Variants in CDKN2A observed in about 807,000 individuals in gnomAD.
The protein encoded by CDKN2A is cyclin dependent kinase inhibitor 2A.
CDKN2A carries 3 observed loss-of-function variants against 11.1 expected under a neutral mutation model. The observed-to-expected ratio is 0.27, with a 90% CI of 0.12 to 0.70. CDKN2A has a LOEUF of 0.70. CDKN2A is among the 30% of genes least tolerant of loss of function. The probability of loss-of-function intolerance (pLI) is 0.77; values close to 1 mark genes in which losing one functional copy is unlikely to be tolerated. For missense variants in CDKN2A, 265 were observed against 233.6 expected (o/e 1.13, Z -0.88); for synonymous variants, 122 against 108.1 (o/e 1.13, Z -0.80).
Position 21,974,300 on chromosome 9 carries a change from A to G in CDKN2A, c.150+378T>C, listed in dbSNP as rs575325071. ...TAAGAAAGATAAGCTCCATCCAGGT[A>G]TCTGTGAATTGGAGGCTAAGTAGTC... On this transcript the variant is annotated intron_variant, in intron 1 of 2. Transcript: ENST00000304494. The surrounding 1 kb of genome is among the most constrained non-coding windows in gnomAD (Gnocchi z 5.2). 7.3e-6 allele frequency: 6 copies of G among 816,968 alleles called. No homozygotes were observed. The highest frequency in any genetic ancestry group is 3.5e-5 in the South Asian group (2 of 57,464). The allele number at this position is 816,968 out of a possible 1,614,324, so 50.6% of individuals were successfully genotyped here. A position where few individuals can be genotyped will look rare whatever the true frequency, so the allele number is the denominator to read the frequency against.
At chr9:21,992,135 C>G (rs1820443419) in intron 2 of CDKN2A, 1 of 834,366 alleles carries the variant, frequency 1.2e-6, no homozygotes, top group South Asian at 5.5e-5. Context: ...TTTGCAGAAA[C>G]TTAAAAAAAG....
At chr9:21,969,196 C>G (rs1427040976) in intron 2 of CDKN2A, among the ~76,000 whole-genome samples, 1 of 152,080 alleles carries the variant, frequency 6.6e-6, no homozygotes, top group Non-Finnish European at 1.5e-5. Context: ...CGCTTGAGCC[C>G]AGATAACATG....
upstream of CDKN2A, among the ~76,000 whole-genome samples, chr9:21,978,148 A>C (rs895265673): frequency 4.0e-5 from 6 of 151,534 alleles, no homozygotes; most frequent in Non-Finnish European, 4.4e-5. Flanking sequence ...GGATAGCATT[A>C]GGAGATATAC....
chr9:21,978,209 T>G (rs1342091888), upstream of CDKN2A, among the ~76,000 whole-genome samples: 2 of 151,990 alleles, frequency 1.3e-5, no homozygotes, highest in Admixed American at 1.3e-4. Context: ...ATGGCACATG[T>G]ATACATATGT....
chr9:21,978,492 G>T (rs1292887265), upstream of CDKN2A, among the ~76,000 whole-genome samples: 3 of 151,960 alleles, frequency 2.0e-5, no homozygotes, highest in Non-Finnish European at 1.5e-5. Flanking sequence ...ATTTCATGTG[G>T]CCATAAAATA....
chr9:21,986,047 T>C (rs1330802063), intron 2 of CDKN2A, among the ~76,000 whole-genome samples: 1 of 152,004 alleles, frequency 6.6e-6, no homozygotes, highest in African/African-American at 2.4e-5. Context: ...CATACTATTT[T>C]ATCTACCTCT....
chr9:21,992,455 C>T, intron 2 of CDKN2A: 2 of 974,516 alleles, frequency 2.1e-6, no homozygotes, highest in South Asian at 9.5e-5. Flanking sequence ...GCGCTTTTCA[C>T]ATACGTCCTG....
Position 21,994,498 on chromosome 9 carries a change from C to A in CDKN2A, c.-176+323G>T, listed in dbSNP as rs1466650074. ...CACCCGCCTTCCCTGAGCGCGCCCG[C>A]CCCCCACCTTCACCCCCACCCCCAC... On this transcript the variant is annotated intron_variant, in intron 1 of 3. Coordinates refer to the CDKN2A transcript ENST00000494262. 7 of 1,420,916 alleles carry A rather than the reference C, an allele frequency of 4.9e-6. No individual in the cohort carries two copies. In the African/African-American group the frequency reaches 9.0e-5, roughly 18 times the overall value. 88.0% of individuals were successfully genotyped at this position (1,420,916 alleles called of 1,614,324 possible). A position where few individuals can be genotyped will look rare whatever the true frequency, so the allele number is the denominator to read the frequency against.
At position 21,971,087 on chromosome 9, in the gene CDKN2A, A is replaced by C; in HGVS notation, c.272T>G (p.Leu91Arg). 6.2e-7 allele frequency: 1 copy of C among 1,605,340 alleles called. No individual in the cohort carries two copies. Among genetic ancestry groups the C allele is most frequent in the Non-Finnish European group, 8.5e-7 (1 of 1,179,564 alleles). The change falls in exon 2 of 3, where the codon CTG becomes CGG. Residue 91 changes from leucine to arginine, a missense_variant. By Grantham distance (102) the Leu-to-Arg change is moderately radical. Transcript: ENST00000304494. ...CCGGTGCAGCACCACCAGCGTGTCC[A>C]GGAAGCCCTCCCGGGCAGCGTCGTG... ...PVHDAAREGF[L>R]DTLVVLHRAG...
Position 21,968,644 on chromosome 9 carries a change from G to T in CDKN2A, c.458-402C>A. ...CATCCCCAGGCATCTTTTGCACCTG[G>T]TGCGGAGTGAGCCAGCCAGCTTGCG... On this transcript the variant is annotated intron_variant, in intron 2 of 2. Transcript: ENST00000304494. The surrounding 1 kb of genome is among the most constrained non-coding windows in gnomAD (Gnocchi z 4.7). The T allele has an allele frequency of 6.5e-7, 1 of 1,531,344 alleles. No individual in the cohort carries two copies. The highest frequency in any genetic ancestry group is 8.7e-7 in the Non-Finnish European group (1 of 1,144,084). 94.9% of individuals were successfully genotyped at this position (1,531,344 alleles called of 1,614,324 possible).
Position 21,994,038 on chromosome 9 carries a change from C to T in CDKN2A, c.-160G>A. 1.2e-5 allele frequency: 16 copies of T among 1,359,444 alleles called. No individual in the cohort carries two copies. In the South Asian group the frequency reaches 1.6e-4, roughly 14 times the overall value. The allele number at this position is 1,359,444 out of a possible 1,614,324, so 84.2% of individuals were successfully genotyped here. A position where few individuals can be genotyped will look rare whatever the true frequency, so the allele number is the denominator to read the frequency against. On this transcript the variant is annotated 5_prime_UTR_variant, in exon 2 of 4. Coordinates refer to the CDKN2A transcript ENST00000494262. Reference sequence around the variant, plus strand: ...AGCCTCCACCGGCGGTTATCTCCTCCTCCTCCTAGCCTGGGCTAGAGACGA... The same window carrying T: ...AGCCTCCACCGGCGGTTATCTCCTCTTCCTCCTAGCCTGGGCTAGAGACGA...
chr9:21,970,955 C>A lies in CDKN2A; in HGVS notation c.404G>T (p.Gly135Val), dbSNP rs1182554152. 6.2e-7 allele frequency: 1 copy of A among 1,612,044 alleles called. No homozygotes were observed. Among genetic ancestry groups the A allele is most frequent in the Non-Finnish European group, 8.5e-7 (1 of 1,180,036 alleles). ...GGCATGGTTACTGCCTCTGGTGCCC[C>A]CCGCAGCCGCGCGCAGGTACCGTGC... Reference protein sequence around the residue: ...DVARYLRAAAGGTRGSNHARI... With the variant: ...DVARYLRAAAVGTRGSNHARI... The change falls in exon 2 of 3, where the codon GGG (glycine) becomes GTG (valine). Residue 135 changes from glycine to valine, a missense_variant. Gly to Val is a moderately radical substitution (Grantham distance 109). Coordinates refer to ENST00000304494, the MANE Select transcript of CDKN2A (RefSeq NM_000077.5).
chr9:21,991,942 G>T lies in CDKN2A; in HGVS notation c.-4+1940C>A. On this transcript the variant is annotated intron_variant, in intron 2 of 3. Transcript: ENST00000494262. This position sits in a 1 kb window ranked among gnomAD's most constrained non-coding sequence, Gnocchi z 5.2. Reference sequence around the variant, plus strand: ...AAAATAACCTGAGCCTTCTGAAGTAGCTATAAACAAATGAATATTTAACTT... The same window carrying T: ...AAAATAACCTGAGCCTTCTGAAGTATCTATAAACAAATGAATATTTAACTT... 2.0e-6 allele frequency: 2 copies of T among 983,100 alleles called. No individual in the cohort carries two copies. The highest frequency in any genetic ancestry group is 2.4e-6 in the Non-Finnish European group (2 of 827,868). 60.9% of individuals were successfully genotyped at this position (983,100 alleles called of 1,614,324 possible). A position where few individuals can be genotyped will look rare whatever the true frequency, so the allele number is the denominator to read the frequency against.
At chr9:21,969,823 G>T (rs952978596) in intron 2 of CDKN2A, 14 of 396,264 alleles carry the variant, frequency 3.5e-5, no homozygotes, top group Non-Finnish European at 4.9e-5. Context: ...GGGAGGGGAG[G>T]AGGGGCCGAG....
At position 21,988,800 on chromosome 9, in the gene CDKN2A, A is replaced by G. The variant is rs1464571861; in HGVS notation, c.-4+5082T>C. 6.6e-6 allele frequency among the ~76,000 whole-genome samples: 1 copy of G among 152,194 alleles called. No homozygotes were observed. Among genetic ancestry groups the G allele is most frequent in the Non-Finnish European group, 1.5e-5 (1 of 68,022 alleles). On this transcript the variant is annotated intron_variant, in intron 2 of 3. Transcript: ENST00000494262. The surrounding 1 kb of genome is among the most constrained non-coding windows in gnomAD (Gnocchi z 4.1). ...GAGGCACTATATTTTTAAAAATACC[A>G]CTATGTACAAGGCACTGTGCTATAT...
Position 21,968,516 on chromosome 9 carries a change from G to GC in CDKN2A, c.458-275dup. 1 of 1,451,152 alleles carries GC rather than the reference G, an allele frequency of 6.9e-7. No individual in the cohort carries two copies. The highest frequency in any genetic ancestry group is 1.5e-5 in the South Asian group (1 of 68,532). 89.9% of individuals were successfully genotyped at this position (1,451,152 alleles called of 1,614,324 possible). ...AGGGCAGAGAAAGCGCGACCGCGCGGCCCGCAGGGTTGCAAGAAGAAAACG... is the reference window on the plus strand; with the variant it reads ...AGGGCAGAGAAAGCGCGACCGCGCGGCCCCGCAGGGTTGCAAGAAGAAAACG... On this transcript the variant is annotated intron_variant, in intron 2 of 2. Coordinates refer to ENST00000304494, the MANE Select transcript of CDKN2A (RefSeq NM_000077.5). This position sits in a 1 kb window ranked among gnomAD's most constrained non-coding sequence, Gnocchi z 4.7.
At chr9:21,986,020 T>C (rs1820290895) in intron 2 of CDKN2A, among the ~76,000 whole-genome samples, 2 of 152,152 alleles carry the variant, frequency 1.3e-5, no homozygotes, top group South Asian at 4.1e-4. Context: ...TGTAAAAGTT[T>C]ACAGTGACTC....
intron 2 of CDKN2A, among the ~76,000 whole-genome samples, chr9:21,990,569 C>G (rs1393874517): frequency 7.3e-6 from 1 of 137,594 alleles, no homozygotes; most frequent in Non-Finnish European, 1.5e-5. Context: ...AAACTTTTTC[C>G]CAACCCCTCT....
At position 21,984,023 on chromosome 9, in the gene CDKN2A, G is replaced by T. The variant is rs190812188; in HGVS notation, c.-4+9859C>A. ...AGAATGTCAGATATATAAAAATCCG[G>T]GTGCACGGTAGGCTCTCAATAAATG... On this transcript the variant is annotated intron_variant, in intron 2 of 3. Transcript: ENST00000494262. Among the ~76,000 whole-genome samples, 253 of 151,810 alleles carry T rather than the reference G, an allele frequency of 1.7e-3. 4 individuals carry two copies. Among genetic ancestry groups the T allele is most frequent in the Non-Finnish European group, 3.7e-4 (25 of 67,826 alleles).
Sources: allele counts gnomAD v4.1 joint callset (sites outside exome capture counted in the v4.1 genomes callset), GRCh38; gene constraint gnomAD v4.1.1; non-coding constraint Gnocchi (gnomAD v3.1); transcripts MANE v1.5; gene names NCBI Gene and HGNC (gene_info 2026-07-23, HGNC 2026-07-21).